NRXN3: variants seen among roughly 807,000 people sequenced by gnomAD.
The protein encoded by NRXN3 is neurexin 3.
A neutral mutation model predicts 137.6 loss-of-function variants in NRXN3; 32 were observed. The ratio of observed to expected loss-of-function variants is 0.23; its 90% CI spans 0.18 to 0.31. The LOEUF (loss-of-function observed/expected upper bound fraction) is 0.31, where lower values mean the gene tolerates loss of function less well. NRXN3 is among the 10% of genes least tolerant of loss of function. The probability of loss-of-function intolerance (pLI) is 1.00; values close to 1 mark genes in which losing one functional copy is unlikely to be tolerated. For synonymous variants in NRXN3, 798 were observed against 784.5 expected, an observed-to-expected ratio of 1.02 and a Z score of -0.29; for missense variants, 1,574 against 2,062.5, an observed-to-expected ratio of 0.76 and a Z score of 4.59.
intron 2 of NRXN3, among the ~76,000 whole-genome samples, chr14:78,261,124 A>C (rs2070640583): frequency 6.6e-6 from 1 of 151,920 alleles, no homozygotes; most frequent in African/African-American, 2.4e-5. Context: ...CTCTTTACTC[A>C]TCTCTCTCTC....
At chr14:79,117,981 G>A (rs2054750577) in intron 15 of NRXN3, among the ~76,000 whole-genome samples, 1 of 152,198 alleles carries the variant, frequency 6.6e-6, no homozygotes, top group Non-Finnish European at 1.5e-5. Flanking sequence ...CAGTGAATAA[G>A]GAAAGCTATC....
intron 10 of NRXN3, among the ~76,000 whole-genome samples, chr14:78,935,395 A>G (rs1259737759): frequency 4.6e-5 from 7 of 152,174 alleles, no homozygotes; most frequent in African/African-American, 1.4e-4. Flanking sequence ...TGGTATCTCC[A>G]GGGGACTGGT....
intron 17 of NRXN3, among the ~76,000 whole-genome samples, chr14:79,675,226 A>G (rs1236925747): frequency 1.3e-5 from 2 of 152,038 alleles, no homozygotes; most frequent in East Asian, 1.9e-4. Flanking sequence ...AACAAGTAGC[A>G]TAGGCTTTAG....
At chr14:78,451,979 C>G (rs2094562905) in intron 4 of NRXN3, among the ~76,000 whole-genome samples, 1 of 152,172 alleles carries the variant, frequency 6.6e-6, no homozygotes, top group African/African-American at 2.4e-5. Flanking sequence ...TGGACTACAT[C>G]CTCAGGAGAA....
Position 79,487,927 on chromosome 14 carries a change from T to C in NRXN3, c.3444+20525T>C, listed in dbSNP as rs373477630. 5.3e-5 allele frequency among the ~76,000 whole-genome samples: 8 copies of C among 152,330 alleles called. No homozygotes were observed. In the South Asian group the frequency reaches 1.0e-3, roughly 20 times the overall value. On this transcript the variant is annotated intron_variant, in intron 16 of 20. Transcript: ENST00000335750. Reference sequence around the variant, plus strand: ...GAACTTTGTATCACAGAGCTCATCATGCAACAGGACTGCATCTGGGATACT... The same window carrying C: ...GAACTTTGTATCACAGAGCTCATCACGCAACAGGACTGCATCTGGGATACT...
intron 20 of NRXN3, among the ~76,000 whole-genome samples, chr14:79,830,035 T>C (rs2099318157): frequency 6.6e-6 from 1 of 152,234 alleles, no homozygotes; most frequent in Admixed American, 6.5e-5. Flanking sequence ...TGAAAATGTG[T>C]TGAGCATCAT....
intron 16 of NRXN3, among the ~76,000 whole-genome samples, chr14:79,574,701 C>T (rs2097648506): frequency 6.6e-6 from 1 of 151,972 alleles, no homozygotes. Flanking sequence ...AGAAGAACAC[C>T]TCTACCATGT....
intron 15 of NRXN3, among the ~76,000 whole-genome samples, chr14:79,336,916 A>G (rs903890068): frequency 6.6e-6 from 1 of 152,136 alleles, no homozygotes; most frequent in African/African-American, 2.4e-5. Flanking sequence ...CTGAGTATAA[A>G]TGTTCACATA....
At chr14:79,252,048 T>G (rs536055211) in intron 15 of NRXN3, among the ~76,000 whole-genome samples, 91 of 152,290 alleles carry the variant, frequency 6.0e-4, no homozygotes, top group African/African-American at 2.1e-3. Flanking sequence ...TTTCTGATAG[T>G]ACCTTTATCT....
At chr14:78,357,023 G>A (rs769267220) in intron 4 of NRXN3, among the ~76,000 whole-genome samples, 3 of 152,156 alleles carry the variant, frequency 2.0e-5, no homozygotes, top group Non-Finnish European at 2.9e-5. Context: ...TATGAAAATC[G>A]ACAATAGAAG....
intron 3 of NRXN3, 129 bp from the exon 4 acceptor site, chr14:78,297,702 C>A: frequency 1.4e-6 from 1 of 723,222 alleles, no homozygotes; most frequent in Non-Finnish European, 2.4e-6. Flanking sequence ...AAGCGTGCGG[C>A]CCCTGTCACT....
intron 2 of NRXN3, among the ~76,000 whole-genome samples, chr14:78,244,622 A>T (rs1312024730): frequency 6.6e-6 from 1 of 151,688 alleles, no homozygotes; most frequent in South Asian, 2.1e-4. Flanking sequence ...CCACCTCCCA[A>T]CCCTCTGGGA....
intron 15 of NRXN3, among the ~76,000 whole-genome samples, chr14:79,462,605 CTA>C (rs893112015): frequency 3.2e-4 from 47 of 147,916 alleles, no homozygotes; most frequent in South Asian, 8.5e-4. Context: ...ACTTAATTAG[CTA>C]TATATATATA....
intron 15 of NRXN3, among the ~76,000 whole-genome samples, chr14:79,144,031 A>G (rs2059062969): frequency 6.6e-6 from 1 of 152,248 alleles, no homozygotes; most frequent in Non-Finnish European, 1.5e-5. Flanking sequence ...TTATAGTAGT[A>G]GAAAACACTT....
At chr14:78,581,831 G>C (rs1319943747) in intron 4 of NRXN3, among the ~76,000 whole-genome samples, 1 of 152,192 alleles carries the variant, frequency 6.6e-6, no homozygotes, top group Non-Finnish European at 1.5e-5. Context: ...TGAAGAGAAA[G>C]AAAGAATCAA....
intron 15 of NRXN3, among the ~76,000 whole-genome samples, chr14:79,380,213 A>ATTG (rs2094430332): frequency 9.1e-6 from 1 of 110,028 alleles, no homozygotes; most frequent in Non-Finnish European, 1.9e-5. Flanking sequence ...TATTATTATT[A>ATTG]TACTTTAAGT....
chr14:79,486,014 AT>A (rs1486285761), intron 16 of NRXN3, among the ~76,000 whole-genome samples: 1 of 151,998 alleles, frequency 6.6e-6, no homozygotes, highest in African/African-American at 2.4e-5. Context: ...TTAAATCTGT[AT>A]TATTGTTATT....
chr14:79,682,037 T>C (rs1181801500), intron 17 of NRXN3, among the ~76,000 whole-genome samples: 3 of 152,196 alleles, frequency 2.0e-5, no homozygotes, highest in Non-Finnish European at 4.4e-5. Context: ...TAAATGCCCA[T>C]TAAGAAAATT....
intron 4 of NRXN3, among the ~76,000 whole-genome samples, chr14:78,413,769 C>A (rs2153667322): frequency 7.2e-6 from 1 of 138,570 alleles, no homozygotes; most frequent in Non-Finnish European, 1.6e-5. Context: ...TAAAGGAGAC[C>A]TGGAAGGGGC....
Sources: allele counts gnomAD v4.1 joint callset (sites outside exome capture counted in the v4.1 genomes callset), GRCh38; gene constraint gnomAD v4.1.1; transcripts MANE v1.5; gene names NCBI Gene and HGNC (gene_info 2026-07-23, HGNC 2026-07-21).